Variants in FGFR1 observed in about 807,000 individuals in gnomAD.
FGFR1 encodes FGFR1/PLAG1 fusion.
In FGFR1, 18 loss-of-function variants were observed where a neutral mutation model predicts 93.7. The ratio of observed to expected loss-of-function variants is 0.19; its 90% CI spans 0.13 to 0.28. The LOEUF is 0.28. Ranked by LOEUF, FGFR1 falls within the 10% of genes least tolerant of loss-of-function variation. The pLI, the probability that FGFR1 is intolerant of heterozygous loss-of-function variation, is 1.00. For synonymous variants in FGFR1, 448 were observed against 429.3 expected (o/e 1.04, Z -0.54); for missense variants, 731 against 1,080.4 (o/e 0.68, Z 4.53).
chr8:38,450,193 G>A (rs1830592707), intron 2 of FGFR1, among the ~76,000 whole-genome samples: 2 of 152,206 alleles, frequency 1.3e-5, no homozygotes, highest in Admixed American at 6.5e-5. Flanking sequence ...AGTATGGTGG[G>A]TGGGGAGAAG....
At chr8:38,453,769 G>A (rs1831850722) in intron 2 of FGFR1, among the ~76,000 whole-genome samples, 1 of 152,158 alleles carries the variant, frequency 6.6e-6, no homozygotes, top group South Asian at 2.1e-4. Flanking sequence ...GTGAGCACCT[G>A]TAATTCCAGC....
At chr8:38,448,575 T>C (rs1830112208) in intron 2 of FGFR1, among the ~76,000 whole-genome samples, 1 of 152,204 alleles carries the variant, frequency 6.6e-6, no homozygotes, top group Non-Finnish European at 1.5e-5. Context: ...TTGCTGACTA[T>C]AGAGAACTTT....
intron 7 of FGFR1, 178 bp from the exon 8 acceptor site, chr8:38,422,119 G>A: frequency 1.4e-6 from 1 of 705,702 alleles, no homozygotes; most frequent in East Asian, 2.8e-5. Context: ...TAGAGGAAGA[G>A]GGTGAGACCC....
At chr8:38,435,906 G>A (rs1052652643) in intron 2 of FGFR1, among the ~76,000 whole-genome samples, 3 of 152,224 alleles carry the variant, frequency 2.0e-5, no homozygotes, top group Non-Finnish European at 4.4e-5. Context: ...AATGCACATG[G>A]GGATGCTGTG....
chr8:38,443,289 G>A lies in FGFR1; in HGVS notation c.92-13341C>T, dbSNP rs537609319. ...ATACAGCAATTACCATGATTTGGTC[G>A]TTACATAATGTGTGCGTGGATCAAA... On this transcript the variant is annotated intron_variant, in intron 2 of 17. Coordinates refer to ENST00000447712, the MANE Select transcript of FGFR1 (RefSeq NM_023110.3). Among the ~76,000 whole-genome samples the A allele has an allele frequency of 3.9e-5, 6 of 152,252 alleles. 1 individual carries two copies. Among genetic ancestry groups the A allele is most frequent in the East Asian group, 3.9e-4 (2 of 5,194 alleles).
At chr8:38,459,172 G>T (rs1461113653) in intron 1 of FGFR1, among the ~76,000 whole-genome samples, 1 of 152,142 alleles carries the variant, frequency 6.6e-6, no homozygotes, top group Non-Finnish European at 1.5e-5. Flanking sequence ...AGGCTACGTG[G>T]GGGTGACCAT....
chr8:38,419,763 AG>A, intron 8 of FGFR1, 28 bp from the exon 9 acceptor site: 1 of 1,604,466 alleles, frequency 6.2e-7, no homozygotes, highest in African/African-American at 1.3e-5. Context: ...GGGTGTTAGC[AG>A]GCTTGGAGGG....
intron 1 of FGFR1, among the ~76,000 whole-genome samples, chr8:38,464,047 G>A (rs1390329214): frequency 6.6e-6 from 1 of 152,042 alleles, no homozygotes; most frequent in Non-Finnish European, 1.5e-5. Context: ...AGGCACAATG[G>A]CTCACACCTG....
At chr8:38,466,710 G>A (rs1294903480) in intron 1 of FGFR1, 2 of 219,984 alleles carry the variant, frequency 9.1e-6, no homozygotes, top group Admixed American at 1.2e-4. Flanking sequence ...GAGGGGGAGG[G>A]GAGGAAGAGG....
chr8:38,433,005 A>T (rs1191092160), intron 2 of FGFR1, among the ~76,000 whole-genome samples: 2 of 142,840 alleles, frequency 1.4e-5, no homozygotes, highest in African/African-American at 5.2e-5. Context: ...GCGCCACTCC[A>T]GAGTCCTCCT....
In FGFR1 at chr8:38,424,489, A is replaced by T. The variant is rs746982942; in HGVS notation, c.936+20T>A. ...CTCCTTCCCAGTAGACTGGCCCACGAAGACTGGTGCCATGATTACCTTCAA... is the reference window on the plus strand; with the variant it reads ...CTCCTTCCCAGTAGACTGGCCCACGTAGACTGGTGCCATGATTACCTTCAA... On this transcript the variant is annotated intron_variant, in intron 7 of 17. Coordinates refer to ENST00000447712, the MANE Select transcript of FGFR1 (RefSeq NM_023110.3). This position sits in a 1 kb window ranked among gnomAD's most constrained non-coding sequence, Gnocchi z 4.3. 1 of 1,613,958 alleles carries T rather than the reference A, an allele frequency of 6.2e-7. No homozygotes were observed. The highest frequency in any genetic ancestry group is 8.5e-7 in the Non-Finnish European group (1 of 1,179,954).
At chr8:38,467,842 A>G (rs2151504385) in intron 1 of FGFR1, 139 bp downstream of exon 1, 1 of 209,880 alleles carries the variant, frequency 4.8e-6, no homozygotes, top group African/African-American at 2.3e-5. Flanking sequence ...AGGAGGTGAA[A>G]GGGGCGGGCG....
At position 38,438,928 on chromosome 8, in the gene FGFR1, T is replaced by C. The variant is rs531214342; in HGVS notation, c.92-8980A>G. ...GCTCATATCAATCATTACCTTACAG[T>C]TGAGTGCTTTTAATTATAAAATGCA... On this transcript the variant is annotated intron_variant, in intron 2 of 17. Transcript: ENST00000447712. Among the ~76,000 whole-genome samples, 66 of 152,296 alleles carry C rather than the reference T, an allele frequency of 4.3e-4. 1 individual carries two copies. The highest frequency in any genetic ancestry group is 1.5e-3 in the African/African-American group (61 of 41,562).
Position 38,426,502 on chromosome 8 carries a change from G to A in FGFR1, c.622-257C>T, listed in dbSNP as rs1357504203. 6.6e-6 allele frequency among the ~76,000 whole-genome samples: 1 copy of A among 152,190 alleles called. No homozygotes were observed. The highest frequency in any genetic ancestry group is 2.4e-5 in the African/African-American group (1 of 41,438). On this transcript the variant is annotated intron_variant, in intron 5 of 17. Transcript: ENST00000447712. This position sits in a 1 kb window ranked among gnomAD's most constrained non-coding sequence, Gnocchi z 4.1. ...AAGATCATTCGTGATCCGGACAGAT[G>A]TGCCTTCTGCAAACACTCCCAAATA...
intron 2 of FGFR1, among the ~76,000 whole-genome samples, chr8:38,448,084 C>A (rs980228695): frequency 6.6e-6 from 1 of 152,120 alleles, no homozygotes; most frequent in Non-Finnish European, 1.5e-5. Context: ...AGTCACAAAA[C>A]ATCGTATACA....
At chr8:38,446,851 A>T (rs1482488861) in intron 2 of FGFR1, among the ~76,000 whole-genome samples, 1 of 152,204 alleles carries the variant, frequency 6.6e-6, no homozygotes, top group Non-Finnish European at 1.5e-5. Flanking sequence ...TTATGCGTCC[A>T]GGCAATACCC....
intron 2 of FGFR1, chr8:38,434,530 C>A: frequency 3.0e-6 from 1 of 329,824 alleles, no homozygotes; most frequent in South Asian, 3.5e-5. Context: ...TCTGAACCTT[C>A]ACCACAAGGA....
chr8:38,413,000 T>A lies in FGFR1; in HGVS notation c.*628A>T, dbSNP rs558341348. The A allele has an allele frequency of 4.3e-6, 1 of 235,134 alleles. No homozygotes were observed. The highest frequency in any genetic ancestry group is 2.2e-5 in the African/African-American group (1 of 45,408). 14.6% of individuals were successfully genotyped at this position (235,134 alleles called of 1,614,324 possible). ...ATACACTTTGTGTTTTCTTCATAGC[T>A]ATATACAGAGCCCCCAGTTTGGGGC... On this transcript the variant is annotated 3_prime_UTR_variant, in exon 18 of 18. Coordinates refer to ENST00000447712, the MANE Select transcript of FGFR1 (RefSeq NM_023110.3).
intron 3 of FGFR1, 101 bp from the exon 4 acceptor site, chr8:38,428,536 G>A (rs1448157149): frequency 3.5e-6 from 3 of 865,906 alleles, no homozygotes; most frequent in Non-Finnish European, 5.7e-6. Flanking sequence ...TCCCCATGGG[G>A]ATCCCAGTCC....
Sources: gnomAD v4.1 joint callset for allele counts (sites outside exome capture counted in the v4.1 genomes callset) on GRCh38, gnomAD v4.1.1 for gene constraint, Gnocchi (gnomAD v3.1) non-coding constraint, MANE v1.5 for transcripts, NCBI Gene and HGNC (gene_info 2026-07-23, HGNC 2026-07-21) for gene names.